The following PRKCB variants were observed in gnomAD, a reference collection of about 807,000 sequenced individuals.
PRKCB encodes the protein protein kinase C beta type.
Under a neutral mutation model 81.5 loss-of-function variants are expected in PRKCB, and 13 were observed. That is an observed-to-expected ratio of 0.16 (90% confidence interval 0.10 to 0.25). The LOEUF is 0.25. Among genes scored for constraint, PRKCB ranks in the 10% least tolerant of loss-of-function variants. PRKCB has a pLI of 1.00. For synonymous variants in PRKCB, 335 were observed against 321.4 expected (o/e 1.04, Z -0.45); for missense variants, 509 against 875.7 (o/e 0.58, Z 5.29).
At chr16:24,149,689 A>G (rs1967048281) in intron 9 of PRKCB, among the ~76,000 whole-genome samples, 1 of 152,240 alleles carries the variant, frequency 6.6e-6, no homozygotes, top group Non-Finnish European at 1.5e-5. Flanking sequence ...TGATTCTGAC[A>G]TAGGCAAGAG....
Position 23,837,419 on chromosome 16 carries a change from GC to G in PRKCB, c.205+14del. ...TTCCAGTGCCAAGGTAGGCTCTGGG[GC>G]TTTGGGGATGCTATTTGTGGGAAGA... is the stretch of plus-strand genomic sequence containing the variant. On this transcript the variant is annotated intron_variant, in intron 2 of 16. Coordinates refer to ENST00000643927, the MANE Select transcript of PRKCB (RefSeq NM_002738.7). 1.2e-6 allele frequency: 2 copies of G among 1,606,396 alleles called. No homozygotes were observed. Among genetic ancestry groups the G allele is most frequent in the South Asian group, 1.1e-5 (1 of 90,464 alleles).
At chr16:24,021,083 CTT>C (rs1163123123) in intron 3 of PRKCB, among the ~76,000 whole-genome samples, 2 of 120,872 alleles carry the variant, frequency 1.7e-5, no homozygotes, top group Non-Finnish European at 3.4e-5. Flanking sequence ...TTCTTTCTTT[CTT>C]TCTTTTTTTC....
intron 13 of PRKCB, among the ~76,000 whole-genome samples, chr16:24,182,524 AAAAG>A (rs553167088): frequency 7.8e-4 from 118 of 152,208 alleles, no homozygotes; most frequent in African/African-American, 8.7e-4. Context: ...CTGTCTCAAA[AAAAG>A]AAAGAAAGAA....
intron 3 of PRKCB, among the ~76,000 whole-genome samples, chr16:24,026,444 C>A (rs1247789121): frequency 6.6e-6 from 1 of 152,164 alleles, no homozygotes; most frequent in Non-Finnish European, 1.5e-5. Context: ...TGCTTGAATC[C>A]TTGTCTTGGA....
intron 2 of PRKCB, among the ~76,000 whole-genome samples, chr16:23,870,715 C>A (rs959354270): frequency 2.6e-5 from 4 of 152,222 alleles, no homozygotes; most frequent in South Asian, 2.1e-4. Flanking sequence ...GGTACAGCCA[C>A]AAAGCAAGCT....
At chr16:24,165,378 A>G (rs890836865) in intron 10 of PRKCB, among the ~76,000 whole-genome samples, 1 of 152,204 alleles carries the variant, frequency 6.6e-6, no homozygotes, top group African/African-American at 2.4e-5. Context: ...AATTAGTTGT[A>G]TACTTGTTTT....
At chr16:24,104,711 CG>C (rs1311239972) in intron 7 of PRKCB, among the ~76,000 whole-genome samples, 6 of 152,060 alleles carry the variant, frequency 3.9e-5, no homozygotes, top group Non-Finnish European at 8.8e-5. Context: ...GCAGCGAGGA[CG>C]GCAAGCTCAA....
rs1360102764 is a variant in PRKCB, at chr16:24,021,079, CTT to C, written c.289-11055_289-11054del. 3.1e-3 allele frequency among the ~76,000 whole-genome samples: 410 copies of C among 130,364 alleles called. 8 individuals carry two copies. The highest frequency in any genetic ancestry group is 4.6e-3 in the Non-Finnish European group (286 of 61,734). The allele number at this position is 130,364 out of a possible 152,430, so 85.5% of individuals were successfully genotyped here. On this transcript the variant is annotated intron_variant, in intron 3 of 16. Transcript: ENST00000643927. The stretch of plus-strand genomic sequence containing the variant: ...CTTTCCCTCCCTCCCTCCCTTCTTT[CTT>C]TCTTTCTTTTTTTCTTTCTTTCTTT...
At position 24,123,669 on chromosome 16, in the gene PRKCB, G is replaced by A. The variant is rs1400520692; in HGVS notation, c.919-166G>A. On this transcript the variant is annotated intron_variant, in intron 8 of 16. Coordinates refer to ENST00000643927, the MANE Select transcript of PRKCB (RefSeq NM_002738.7). Reference sequence around the variant, plus strand: ...GATAAAAGAAAGATGGAGTTGCAAAGGATGTCCGACAGGTTTCAGGCTTGT... The same window carrying A: ...GATAAAAGAAAGATGGAGTTGCAAAAGATGTCCGACAGGTTTCAGGCTTGT... Among the ~76,000 whole-genome samples, 4 of 152,174 alleles carry A rather than the reference G, an allele frequency of 2.6e-5. 1 individual carries two copies. Among genetic ancestry groups the A allele is most frequent in the Admixed American group, 2.6e-4 (4 of 15,284 alleles).
Position 23,984,920 on chromosome 16 carries a change from G to A in PRKCB, c.206-3588G>A, listed in dbSNP as rs567276891. 3.9e-5 allele frequency among the ~76,000 whole-genome samples: 6 copies of A among 152,198 alleles called. No individual in the cohort carries two copies. In the East Asian group the frequency reaches 7.7e-4, roughly 20 times the overall value. On this transcript the variant is annotated intron_variant, in intron 2 of 16. Coordinates refer to ENST00000643927, the MANE Select transcript of PRKCB (RefSeq NM_002738.7). ...AAGGGAAAGTTAAACATGGAACTAC[G>A]ACAGGGGGAAAAGAGAGAATAATAA...
intron 2 of PRKCB, among the ~76,000 whole-genome samples, chr16:23,973,098 G>T (rs1281678904): frequency 6.6e-6 from 1 of 152,100 alleles, no homozygotes; most frequent in African/African-American, 2.4e-5. Flanking sequence ...GTCAAATGGG[G>T]TCATACAGTG....
intron 3 of PRKCB, among the ~76,000 whole-genome samples, chr16:24,021,190 CTTTCTT>C (rs1965384308): frequency 2.0e-4 from 2 of 10,206 alleles, no homozygotes; most frequent in South Asian, 0.011. Context: ...CTTCCTTCCT[CTTTCTT>C]TCTTTCTTTC....
chr16:24,183,753 C>G (rs991234997), intron 13 of PRKCB, among the ~76,000 whole-genome samples: 2 of 152,182 alleles, frequency 1.3e-5, no homozygotes, highest in Admixed American at 6.5e-5. Flanking sequence ...CGGTAGACAG[C>G]AGTCAGGATT....
At chr16:24,152,278 A>G (rs384586) in intron 9 of PRKCB, among the ~76,000 whole-genome samples, 54,048 of 151,640 alleles carry the variant, frequency 0.36, 9,843 homozygotes, top group South Asian at 0.47. Context: ...AAATCATCCG[A>G]TCTTGTGAGA....
intron 2 of PRKCB, among the ~76,000 whole-genome samples, chr16:23,846,863 C>T (rs149116783): frequency 2.2e-4 from 33 of 152,062 alleles, no homozygotes; most frequent in African/African-American, 5.1e-4. Flanking sequence ...GTAGAGATGT[C>T]GCTTTTATTC....
intron 8 of PRKCB, 86 bp downstream of exon 8, chr16:24,113,155 TTCTC>T: frequency 2.2e-6 from 2 of 925,752 alleles, no homozygotes; most frequent in South Asian, 1.8e-5. Context: ...TTCTTTCTCT[TTCTC>T]TCTTATTCTT....
intron 5 of PRKCB, among the ~76,000 whole-genome samples, chr16:24,040,476 T>A (rs1370140476): frequency 1.3e-5 from 2 of 152,240 alleles, no homozygotes; most frequent in Non-Finnish European, 2.9e-5. Flanking sequence ...ACACTCATGG[T>A]AACCTGAGCT....
At chr16:24,130,887 T>A (rs1332029433) in intron 9 of PRKCB, among the ~76,000 whole-genome samples, 2 of 152,224 alleles carry the variant, frequency 1.3e-5, no homozygotes, top group Non-Finnish European at 2.9e-5. Context: ...TTTGGGTGGA[T>A]GACACGTCGT....
intron 3 of PRKCB, among the ~76,000 whole-genome samples, chr16:24,020,294 A>G (rs1965341567): frequency 6.6e-6 from 1 of 152,244 alleles, no homozygotes; most frequent in South Asian, 2.1e-4. Context: ...GGTTTATTTA[A>G]ATAAAAATGG....
Sources: gnomAD v4.1 joint callset for allele counts (sites outside exome capture counted in the v4.1 genomes callset) on GRCh38, gnomAD v4.1.1 for gene constraint, MANE v1.5 for transcripts, NCBI Gene and HGNC (gene_info 2026-07-23, HGNC 2026-07-21) for gene names.